Variants in DSG3 observed in about 807,000 individuals in gnomAD.
DSG3 encodes the protein desmoglein-3.
A neutral mutation model predicts 85.9 loss-of-function variants in DSG3; 63 were observed. The observed-to-expected ratio is 0.73, with a 90% CI of 0.60 to 0.90. DSG3 has a LOEUF of 0.90. DSG3 is among the 40% of genes least tolerant of loss of function. The pLI is 0.00. For synonymous variants in DSG3, 447 were observed against 441.9 expected, an observed-to-expected ratio of 1.01 and a Z score of -0.14; for missense variants, 1,220 against 1,219.9, an observed-to-expected ratio of 1.00 and a Z score of 0.00.
intron 11 of DSG3, 52 bp downstream of exon 11, chr18:31,466,806 C>A: frequency 6.7e-7 from 1 of 1,488,626 alleles, no homozygotes; most frequent in Non-Finnish European, 9.3e-7. Flanking sequence ...CTTTGTATTT[C>A]CAGAAGAATA....
intron 3 of DSG3, among the ~76,000 whole-genome samples, chr18:31,457,581 CTTTCTTCT>C (rs1361406783): frequency 0.1 from 7,980 of 77,714 alleles, 270 homozygotes; most frequent in Non-Finnish European, 0.12. Flanking sequence ...TTCTTTCTTT[CTTTCTTCT>C]TTCTTTCTTT....
intron 11 of DSG3, among the ~76,000 whole-genome samples, chr18:31,468,388 AAGAG>A (rs1355518520): frequency 6.6e-6 from 1 of 152,204 alleles, no homozygotes; most frequent in Non-Finnish European, 1.5e-5. Context: ...GCAGACATAC[AAGAG>A]AGTGGTTAAG....
At chr18:31,451,102 G>T (rs1238254674) in intron 1 of DSG3, among the ~76,000 whole-genome samples, 1 of 152,052 alleles carries the variant, frequency 6.6e-6, no homozygotes, top group Non-Finnish European at 1.5e-5. Flanking sequence ...TCAGTTTCTT[G>T]TGCTTGTTTG....
Position 31,447,823 on chromosome 18 carries a change from G to A in DSG3, c.-55G>A. On this transcript the variant is annotated 5_prime_UTR_variant, in exon 1 of 16. Transcript: ENST00000257189. The stretch of plus-strand genomic sequence containing the variant: ...TCTTAGACATCAACTGCAGACGGCT[G>A]GCAGGATAGAAGCAGCGGCTCACTT... The A allele has an allele frequency of 6.8e-7, 1 of 1,479,772 alleles. No homozygotes were observed. Among genetic ancestry groups the A allele is most frequent in the Non-Finnish European group, 9.2e-7 (1 of 1,089,446 alleles). 91.7% of individuals were successfully genotyped at this position (1,479,772 alleles called of 1,614,324 possible). A position where few individuals can be genotyped will look rare whatever the true frequency, so the allele number is the denominator to read the frequency against.
chr18:31,467,113 G>A (rs1335937015), intron 11 of DSG3, among the ~76,000 whole-genome samples: 1 of 152,150 alleles, frequency 6.6e-6, no homozygotes, highest in Non-Finnish European at 1.5e-5. Flanking sequence ...GGCCAGGATG[G>A]GAGGATCATC....
chr18:31,460,871 C>A lies in DSG3; in HGVS notation c.723C>A (p.Asp241Glu). Residue 241 changes from aspartate to glutamate, a missense_variant, in exon 7 of 16, where the codon GAC (aspartate) becomes GAA (glutamate). Physicochemically the swap from Asp to Glu is conservative, Grantham distance 45. Transcript: ENST00000257189. Reference sequence around the variant, plus strand: ...ATCGTCTGGTTGTGAGTGGTGCAGACAAAGATGGAGAAGGACTATCAACTC... The same window carrying A: ...ATCGTCTGGTTGTGAGTGGTGCAGAAAAAGATGGAGAAGGACTATCAACTC... ...SSYRLVVSGA[D>E]KDGEGLSTQC... is the part of the protein sequence containing the mutation. The A allele has an allele frequency of 6.3e-7, 1 of 1,597,272 alleles. No individual in the cohort carries two copies. Among genetic ancestry groups the A allele is most frequent in the Admixed American group, 1.8e-5 (1 of 55,196 alleles).
intron 1 of DSG3, among the ~76,000 whole-genome samples, chr18:31,450,888 T>C (rs1182174023): frequency 3.3e-5 from 5 of 152,184 alleles, no homozygotes; most frequent in Non-Finnish European, 7.3e-5. Context: ...GATAACTTCT[T>C]CACATTGTGT....
chr18:31,450,534 T>C (rs9956575), intron 1 of DSG3, among the ~76,000 whole-genome samples: 43,284 of 152,110 alleles, frequency 0.28, 7,132 homozygotes, highest in African/African-American at 0.46. Context: ...GAATGCTCAT[T>C]TTTTGTTGTT....
intron 12 of DSG3, among the ~76,000 whole-genome samples, chr18:31,471,202 GAT>G (rs2072853135): frequency 6.6e-6 from 1 of 152,096 alleles, no homozygotes; most frequent in Admixed American, 6.6e-5. Context: ...CCCTGGAGAG[GAT>G]TGGGAGATTA....
intron 9 of DSG3, among the ~76,000 whole-genome samples, chr18:31,464,701 A>ACATGT (rs2072806430): frequency 6.6e-6 from 1 of 152,168 alleles, no homozygotes; most frequent in Non-Finnish European, 1.5e-5. Context: ...CACCATGAGA[A>ACATGT]CATGTTTTTA....
Position 31,474,126 on chromosome 18 carries a change from T to A in DSG3, c.2107T>A (p.Cys703Ser). ...ATGTTCTCCCTTGTTTTTAGAAGTT[T>A]GTACAAATACGTATGCCAGAGGCAC... ...GADFMESSEVCTNTYARGTAV... is the reference protein window; with the variant it reads ...GADFMESSEVSTNTYARGTAV... The change falls in exon 15 of 16, where the codon TGT (cysteine) becomes AGT (serine). Residue 703 changes from cysteine (C) to serine (S), a missense_variant. By Grantham distance (112) the Cys-to-Ser change is moderately radical (BLOSUM62 -1). Coordinates refer to ENST00000257189, the MANE Select transcript of DSG3 (RefSeq NM_001944.3). 3 of 1,608,880 alleles carry A rather than the reference T, an allele frequency of 1.9e-6. No individual in the cohort carries two copies. Among genetic ancestry groups the A allele is most frequent in the Non-Finnish European group, 2.6e-6 (3 of 1,175,780 alleles).
Position 31,464,302 on chromosome 18 carries a change from T to C in DSG3, c.1191T>C (p.Ser397=). 6.2e-7 allele frequency: 1 copy of C among 1,614,072 alleles called. No homozygotes were observed. The highest frequency in any genetic ancestry group is 8.5e-7 in the Non-Finnish European group (1 of 1,179,982). Reference sequence around the variant, plus strand: ...CATTTACTGTGCAAAAAGGCATAAGTAGCAAAAAATTGGTGGATTATATCC... The same window carrying C: ...CATTTACTGTGCAAAAAGGCATAAGCAGCAAAAAATTGGTGGATTATATCC... ...SKTFTVQKGI[S]SKKLVDYILG... Residue 397 remains serine (S), a synonymous_variant, in exon 9 of 16, where the codon AGT becomes AGC. Coordinates refer to ENST00000257189, the MANE Select transcript of DSG3 (RefSeq NM_001944.3).
chr18:31,454,113 A>T (rs2072727389), intron 1 of DSG3, among the ~76,000 whole-genome samples: 1 of 152,206 alleles, frequency 6.6e-6, no homozygotes, highest in Non-Finnish European at 1.5e-5. Flanking sequence ...AATATTCAGA[A>T]ATGTTTCCCA....
intron 1 of DSG3, among the ~76,000 whole-genome samples, chr18:31,456,075 T>C (rs188325821): frequency 5.3e-5 from 8 of 152,342 alleles, no homozygotes; most frequent in Non-Finnish European, 7.4e-5. Flanking sequence ...TGCTTACCAA[T>C]GTTTCCCAAA....
intron 1 of DSG3, among the ~76,000 whole-genome samples, chr18:31,451,946 A>G (rs16961940): frequency 0.27 from 41,115 of 152,100 alleles, 6,188 homozygotes; most frequent in African/African-American, 0.42. Flanking sequence ...TTACATAGAC[A>G]ATTTGGTTAC....
At chr18:31,455,420 A>G (rs538858574) in intron 1 of DSG3, among the ~76,000 whole-genome samples, 45 of 152,342 alleles carry the variant, frequency 3.0e-4, no homozygotes, top group Admixed American at 2.9e-3. Context: ...ATAACCTAAT[A>G]GCACTGAACT....
chr18:31,466,741 CACA>C lies in DSG3; in HGVS notation c.1626_1628del (p.Thr543del). 6.2e-7 allele frequency: 1 copy of C among 1,613,948 alleles called. No individual in the cohort carries two copies. The highest frequency in any genetic ancestry group is 8.5e-7 in the Non-Finnish European group (1 of 1,179,884). ...TAAAGTTGCCTGCCGTATGGAGTAT[CACA>C]ACCCTCAATGGTGAGTAACAGTAAA... is the stretch of plus-strand genomic sequence containing the variant. On this transcript the variant is annotated inframe_deletion, in exon 11 of 16. Coordinates refer to ENST00000257189, the MANE Select transcript of DSG3 (RefSeq NM_001944.3).
chr18:31,455,793 G>T (rs1265864271), intron 1 of DSG3, among the ~76,000 whole-genome samples: 1 of 152,176 alleles, frequency 6.6e-6, no homozygotes, highest in Non-Finnish European at 1.5e-5. Flanking sequence ...TGAAAATTAA[G>T]TTCAATATTT....
In DSG3 at chr18:31,457,545, T is replaced by C. The variant is rs12962894; in HGVS notation, c.216+421T>C. ...TCTCTTTCTTTCTTTCTTTCTTTCTTTCTCTTTCTTTCTTTCTTTCTTTCT... is the reference window on the plus strand; with the variant it reads ...TCTCTTTCTTTCTTTCTTTCTTTCTCTCTCTTTCTTTCTTTCTTTCTTTCT... On this transcript the variant is annotated intron_variant, in intron 3 of 15. Transcript: ENST00000257189. Among the ~76,000 whole-genome samples the C allele has an allele frequency of 9.9e-3, 1,304 of 131,872 alleles. 26 individuals are homozygous for C. Among genetic ancestry groups the C allele is most frequent in the African/African-American group, 0.036 (1,214 of 34,070 alleles). The allele number at this position is 131,872 out of a possible 152,430, so 86.5% of individuals were successfully genotyped here.
Sources: gnomAD v4.1 joint callset for allele counts (sites outside exome capture counted in the v4.1 genomes callset) on GRCh38, gnomAD v4.1.1 for gene constraint, MANE v1.5 for transcripts, NCBI Gene and HGNC (gene_info 2026-07-23, HGNC 2026-07-21) for gene names.